The following PAPPA2 variants were observed in gnomAD, a reference collection of about 807,000 sequenced individuals.
The protein encoded by PAPPA2 is pappalysin 2.
Under a neutral mutation model 176.4 loss-of-function variants are expected in PAPPA2, and 86 were observed. That is an observed-to-expected ratio of 0.49 (90% CI 0.41 to 0.58). The LOEUF (loss-of-function observed/expected upper bound fraction) is 0.58. Among genes scored for constraint, PAPPA2 ranks in the 20% least tolerant of loss-of-function variants. The pLI is 0.00. For synonymous variants in PAPPA2, 809 were observed against 852.2 expected, an observed-to-expected ratio of 0.95 and a Z score of 0.88; for missense variants, 2,073 against 2,256.9, an observed-to-expected ratio of 0.92 and a Z score of 1.65.
chr1:176,752,479 C>T (rs1663231998), intron 14 of PAPPA2, among the ~76,000 whole-genome samples: 1 of 151,696 alleles, frequency 6.6e-6, no homozygotes, highest in Non-Finnish European at 1.5e-5. Flanking sequence ...CCTTGCTTTG[C>T]TAACCATGCT....
At chr1:176,616,789 T>C (rs1573133348) in intron 3 of PAPPA2, 1 of 913,156 alleles carries the variant, frequency 1.1e-6, no homozygotes, top group East Asian at 2.9e-5. Flanking sequence ...ATTCGAGGTG[T>C]ATTAATTTAG....
chr1:176,782,356 G>A (rs1664756558), intron 17 of PAPPA2, among the ~76,000 whole-genome samples: 1 of 152,156 alleles, frequency 6.6e-6, no homozygotes, highest in Non-Finnish European at 1.5e-5. Flanking sequence ...TTTCCATGGT[G>A]GGAGCTGATG....
At chr1:176,757,476 C>T (rs1663483451) in intron 14 of PAPPA2, among the ~76,000 whole-genome samples, 1 of 152,140 alleles carries the variant, frequency 6.6e-6, no homozygotes, top group South Asian at 2.1e-4. Context: ...AGCATTTTTT[C>T]ATATGTCTGT....
intron 3 of PAPPA2, among the ~76,000 whole-genome samples, chr1:176,631,200 T>C (rs1360595411): frequency 1.3e-5 from 2 of 152,204 alleles, no homozygotes; most frequent in Non-Finnish European, 2.9e-5. Context: ...CAGTGAAATA[T>C]TATTTGGTCA....
chr1:176,584,076 T>A (rs146757280), intron 2 of PAPPA2, among the ~76,000 whole-genome samples: 1 of 152,298 alleles, frequency 6.6e-6, no homozygotes, highest in East Asian at 1.9e-4. Context: ...TTTTGTGTCC[T>A]AATGTTTTGC....
chr1:176,797,072 C>T (rs1332507137), intron 20 of PAPPA2, among the ~76,000 whole-genome samples: 1 of 152,156 alleles, frequency 6.6e-6, no homozygotes, highest in African/African-American at 2.4e-5. Context: ...CTCAATCATG[C>T]AAGAAGTTGC....
At chr1:176,630,007 C>T (rs1056780048) in intron 3 of PAPPA2, among the ~76,000 whole-genome samples, 1 of 151,558 alleles carries the variant, frequency 6.6e-6, no homozygotes, top group Non-Finnish European at 1.5e-5. Flanking sequence ...TGCAGTGAGC[C>T]GAGATCACAC....
chr1:176,666,076 A>G (rs1573218353), intron 3 of PAPPA2, among the ~76,000 whole-genome samples: 1 of 152,184 alleles, frequency 6.6e-6, no homozygotes, highest in African/African-American at 2.4e-5. Context: ...AAAAGAATGG[A>G]CCACAAACAG....
intron 1 of PAPPA2, among the ~76,000 whole-genome samples, chr1:176,516,274 CTT>C (rs201764654): frequency 6.2e-4 from 87 of 140,648 alleles, no homozygotes; most frequent in African/African-American, 6.5e-4. Context: ...GAGTTTAATT[CTT>C]TTTTTTTTTT....
chr1:176,599,336 T>G (rs561900280), intron 3 of PAPPA2, among the ~76,000 whole-genome samples: 6 of 152,228 alleles, frequency 3.9e-5, no homozygotes, highest in Non-Finnish European at 5.9e-5. Flanking sequence ...ACTGTTCAAT[T>G]TGGACACTTA....
chr1:176,647,053 C>T (rs555686519), intron 3 of PAPPA2, among the ~76,000 whole-genome samples: 1 of 151,618 alleles, frequency 6.6e-6, no homozygotes, highest in East Asian at 1.9e-4. Context: ...TCCCTGTTCT[C>T]CATACCTTTG....
At chr1:176,778,667 G>T (rs1282542501) in intron 17 of PAPPA2, among the ~76,000 whole-genome samples, 1 of 152,176 alleles carries the variant, frequency 6.6e-6, no homozygotes, top group Non-Finnish European at 1.5e-5. Flanking sequence ...ATACATTAAT[G>T]AATAGGTGCT....
intron 12 of PAPPA2, among the ~76,000 whole-genome samples, chr1:176,716,231 CTTT>C (rs371904164): frequency 8.7e-4 from 116 of 133,226 alleles, no homozygotes; most frequent in African/African-American, 3.2e-3. Context: ...TAACCTCTTT[CTTT>C]TTTTTTTTTT....
chr1:176,609,360 G>A (rs1356978771), intron 3 of PAPPA2, among the ~76,000 whole-genome samples: 4 of 152,150 alleles, frequency 2.6e-5, no homozygotes, highest in Admixed American at 1.3e-4. Flanking sequence ...CTCTTATGGA[G>A]CTTACAGTCT....
chr1:176,518,449 A>G (rs913880371), intron 1 of PAPPA2, among the ~76,000 whole-genome samples: 2 of 134,710 alleles, frequency 1.5e-5, no homozygotes, highest in Non-Finnish European at 3.1e-5. Context: ...AAAGCTTGAC[A>G]GGTAAAAAAA....
intron 21 of PAPPA2, among the ~76,000 whole-genome samples, chr1:176,811,013 A>G (rs1472319946): frequency 6.6e-6 from 1 of 152,164 alleles, no homozygotes; most frequent in East Asian, 1.9e-4. Flanking sequence ...TAAGACTTCT[A>G]TTATTACACT....
chr1:176,498,680 T>C (rs1647771349), intron 1 of PAPPA2, among the ~76,000 whole-genome samples: 1 of 151,398 alleles, frequency 6.6e-6, no homozygotes, highest in African/African-American at 2.4e-5. Context: ...AACCCAGGAT[T>C]TGGAAGTTGC....
At chr1:176,567,390 A>G (rs1652051950) in intron 2 of PAPPA2, among the ~76,000 whole-genome samples, 1 of 152,258 alleles carries the variant, frequency 6.6e-6, no homozygotes, top group Non-Finnish European at 1.5e-5. Context: ...TCTGCATTAG[A>G]AATCCAGTTA....
intron 1 of PAPPA2, among the ~76,000 whole-genome samples, chr1:176,475,196 T>C (rs1321487368): frequency 6.6e-6 from 1 of 152,130 alleles, no homozygotes; most frequent in East Asian, 1.9e-4. Flanking sequence ...ACAAGTGCAA[T>C]AGGTTTCCCA....
Sources: allele counts gnomAD v4.1 joint callset (sites outside exome capture counted in the v4.1 genomes callset), GRCh38; gene constraint gnomAD v4.1.1; transcripts MANE v1.5; gene names NCBI Gene and HGNC (gene_info 2026-07-23, HGNC 2026-07-21).